Variants in NOX4 observed in about 807,000 individuals in gnomAD.
NOX4 encodes kidney oxidase-1.
In NOX4, 69 loss-of-function variants were observed where a neutral mutation model predicts 87.6. The ratio of observed to expected loss-of-function variants is 0.79; its 90% CI spans 0.65 to 0.96. The LOEUF (loss-of-function observed/expected upper bound fraction) is 0.96. NOX4 is among the 40% of genes least tolerant of loss of function. The pLI, the probability that NOX4 is intolerant of heterozygous loss-of-function variation, is 0.00. For missense variants in NOX4, 680 were observed against 681.5 expected, an observed-to-expected ratio of 1.00 and a Z score of 0.02; for synonymous variants, 275 against 238.2, an observed-to-expected ratio of 1.15 and a Z score of -1.42.
the NOX4 span, among the ~76,000 whole-genome samples, chr11:89,532,092 A>T: frequency 6.6e-6 from 1 of 152,212 alleles, no homozygotes; most frequent in South Asian, 2.1e-4. Context: ...CTCTGCTAGG[A>T]CAATGCAGAG....
At chr11:89,500,089 C>T (rs1010945988), upstream of NOX4, among the ~76,000 whole-genome samples, 1 of 152,108 alleles carries the variant, frequency 6.6e-6, no homozygotes, top group African/African-American at 2.4e-5. Context: ...TGTTGCCTAG[C>T]ATATCAGGAC....
chr11:89,548,062 G>T, the NOX4 span: 1 of 151,794 alleles, frequency 6.6e-6, no homozygotes, highest in Non-Finnish European at 1.5e-5. Context: ...AGATGAGATG[G>T]AGGAAGACTA....
At chr11:89,372,894 G>A (rs1939550140) in intron 12 of NOX4, among the ~76,000 whole-genome samples, 2 of 151,776 alleles carry the variant, frequency 1.3e-5, no homozygotes, top group South Asian at 2.1e-4. Flanking sequence ...TTTACTCAAA[G>A]CTCTTACTAC....
the NOX4 span, among the ~76,000 whole-genome samples, chr11:89,559,820 G>A: frequency 6.6e-6 from 1 of 152,084 alleles, no homozygotes; most frequent in Non-Finnish European, 1.5e-5. Flanking sequence ...AGCAAAGAGT[G>A]GGCAGAAAAG....
intron 6 of NOX4, among the ~76,000 whole-genome samples, chr11:89,439,665 C>T (rs889640817): frequency 6.6e-6 from 1 of 152,058 alleles, no homozygotes. Flanking sequence ...GAAATATGTG[C>T]TAAAAATTCC....
At chr11:89,344,713 A>G (rs1946140811) in intron 13 of NOX4, among the ~76,000 whole-genome samples, 1 of 152,178 alleles carries the variant, frequency 6.6e-6, no homozygotes, top group South Asian at 2.1e-4. Context: ...CTTTCATAGG[A>G]AAGTATAATG....
In NOX4 at chr11:89,413,076, G is replaced by T. The variant is rs57925498; in HGVS notation, c.629+8826C>A. The stretch of plus-strand genomic sequence containing the variant: ...AAATAGCAAACAGGTATATGAAAAG[G>T]TGCTCAACATCACATCATCAGATAA... On this transcript the variant is annotated intron_variant, in intron 8 of 17. Coordinates refer to ENST00000263317, the MANE Select transcript of NOX4 (RefSeq NM_016931.5). 3.0e-3 allele frequency among the ~76,000 whole-genome samples: 458 copies of T among 152,150 alleles called. 4 individuals carry two copies. Among genetic ancestry groups the T allele is most frequent in the African/African-American group, 0.011 (443 of 41,528 alleles).
intron 12 of NOX4, among the ~76,000 whole-genome samples, chr11:89,367,793 G>T (rs1160854064): frequency 6.6e-6 from 1 of 152,068 alleles, no homozygotes; most frequent in Non-Finnish European, 1.5e-5. Context: ...TTCATAGCAA[G>T]ATCTACAAGC....
chr11:89,465,547 A>T (rs1010492102), intron 2 of NOX4, among the ~76,000 whole-genome samples: 2 of 152,170 alleles, frequency 1.3e-5, no homozygotes, highest in African/African-American at 4.8e-5. Flanking sequence ...ATCCTTGAGG[A>T]ATTGCCACAC....
chr11:89,494,866 C>T (rs925522584), upstream of NOX4, among the ~76,000 whole-genome samples: 2 of 152,186 alleles, frequency 1.3e-5, no homozygotes, highest in East Asian at 3.8e-4. Flanking sequence ...AGAAATTTAT[C>T]GTCTCACAGT....
chr11:89,428,091 A>C (rs1487833973), intron 7 of NOX4, among the ~76,000 whole-genome samples: 1 of 152,226 alleles, frequency 6.6e-6, no homozygotes, highest in African/African-American at 2.4e-5. Flanking sequence ...AAGAATTTTC[A>C]ACCCAGAATT....
intron 9 of NOX4, among the ~76,000 whole-genome samples, chr11:89,400,630 G>A (rs317141): frequency 0.15 from 22,805 of 151,720 alleles, 2,112 homozygotes; most frequent in East Asian, 0.3. Context: ...CTATCCATGA[G>A]CAAACAAGTA....
At chr11:89,373,900 TC>T (rs1366448090) in intron 11 of NOX4, among the ~76,000 whole-genome samples, 1 of 151,922 alleles carries the variant, frequency 6.6e-6, no homozygotes, top group Non-Finnish European at 1.5e-5. Flanking sequence ...CCTAACAAAT[TC>T]CAGGGAGAAA....
rs955953610 is a variant in NOX4 at position 89,409,386 on chromosome 11, C to A, written c.630-6844G>T. ...TCTCCAAAACTGGGGAAAAAATAAA[C>A]TCGCAGTTTGGAAGTTTAAGAAAAT... On this transcript the variant is annotated intron_variant, in intron 8 of 17. Coordinates refer to ENST00000263317, the MANE Select transcript of NOX4 (RefSeq NM_016931.5). Among the ~76,000 whole-genome samples the A allele has an allele frequency of 6.1e-4, 93 of 152,204 alleles. 1 individual carries two copies. The highest frequency in any genetic ancestry group is 2.2e-3 in the African/African-American group (91 of 41,536).
chr11:89,528,150 GGGCCTGTAGCCACTTCGTTTT>G, the NOX4 span, among the ~76,000 whole-genome samples: 2 of 152,150 alleles, frequency 1.3e-5, no homozygotes, highest in Non-Finnish European at 2.9e-5. Context: ...GACTTCCATG[GGGCCTGTAGCCACTTCGTTTT>G]GGCCAATTTC....
At chr11:89,442,938 G>A (rs1242081784) in intron 5 of NOX4, among the ~76,000 whole-genome samples, 2 of 152,128 alleles carry the variant, frequency 1.3e-5, no homozygotes, top group Non-Finnish European at 2.9e-5. Flanking sequence ...AGTGATTTGA[G>A]CAGAGGGCAG....
At chr11:89,512,754 A>C in the NOX4 span, among the ~76,000 whole-genome samples, 2 of 152,068 alleles carry the variant, frequency 1.3e-5, no homozygotes, top group Non-Finnish European at 2.9e-5. Flanking sequence ...ACATCACTTG[A>C]CCATTAAATT....
chr11:89,354,172 C>G (rs1197970347), intron 13 of NOX4, among the ~76,000 whole-genome samples: 2 of 152,094 alleles, frequency 1.3e-5, no homozygotes, highest in Non-Finnish European at 2.9e-5. Context: ...AATTCTATTC[C>G]TTTAAGTTGA....
chr11:89,547,001 G>T, the NOX4 span, among the ~76,000 whole-genome samples: 8 of 152,122 alleles, frequency 5.3e-5, no homozygotes, highest in African/African-American at 1.9e-4. Flanking sequence ...TTGTAGACTT[G>T]GTGTGGGGAT....
Sources: allele counts gnomAD v4.1 joint callset (sites outside exome capture counted in the v4.1 genomes callset), GRCh38; gene constraint gnomAD v4.1.1; transcripts MANE v1.5; gene names NCBI Gene and HGNC (gene_info 2026-07-23, HGNC 2026-07-21).